The following STK32C variants were observed in gnomAD, a reference collection of about 807,000 sequenced individuals.
STK32C encodes the protein serine/threonine kinase 32C.
In STK32C, 31 loss-of-function variants were observed where a neutral mutation model predicts 56.5. The ratio of observed to expected loss-of-function variants is 0.55; its 90% CI spans 0.41 to 0.74. The LOEUF (loss-of-function observed/expected upper bound fraction) is 0.74. Among genes scored for constraint, STK32C ranks in the 30% least tolerant of loss-of-function variants. The pLI, the probability that STK32C is intolerant of heterozygous loss-of-function variation, is 0.00. For synonymous variants in STK32C, 309 were observed against 289.4 expected (o/e 1.07, Z -0.69); for missense variants, 544 against 676.9 (o/e 0.80, Z 2.18).
At chr10:132,221,712 C>A (rs1177434185) in intron 10 of STK32C, among the ~76,000 whole-genome samples, 1 of 145,402 alleles carries the variant, frequency 6.9e-6, no homozygotes, top group East Asian at 2.1e-4. Context: ...TGCTGACGCA[C>A]CTGGGCGAGT....
At chr10:132,268,461 C>A (rs1252726020) in intron 1 of STK32C, among the ~76,000 whole-genome samples, 1 of 136,312 alleles carries the variant, frequency 7.3e-6, no homozygotes, top group African/African-American at 2.8e-5. Context: ...GCATGCATGT[C>A]CCACATCGTG....
chr10:132,245,379 T>C (rs1176481501), intron 2 of STK32C, among the ~76,000 whole-genome samples: 2 of 152,242 alleles, frequency 1.3e-5, no homozygotes, highest in African/African-American at 2.4e-5. Context: ...CTCTAGATAT[T>C]ACAAGGCGGC....
intron 1 of STK32C, among the ~76,000 whole-genome samples, chr10:132,260,732 G>T (rs901908463): frequency 6.6e-6 from 1 of 152,242 alleles, no homozygotes. Flanking sequence ...CCAGTGGCCG[G>T]GTGGGCATTG....
At chr10:132,224,366 G>T in intron 8 of STK32C, 41 bp downstream of exon 8, 1 of 1,428,674 alleles carries the variant, frequency 7.0e-7, no homozygotes, top group Non-Finnish European at 9.6e-7. Flanking sequence ...GGAGGGAGGT[G>T]GGTGCTCGGA....
intron 10 of STK32C, chr10:132,209,370 G>T: frequency 1.5e-6 from 1 of 688,044 alleles, no homozygotes; most frequent in Non-Finnish European, 2.7e-6. Flanking sequence ...GGGGCCTGCA[G>T]GACCAGGCAG....
chr10:132,272,365 G>A (rs372733937), intron 1 of STK32C, among the ~76,000 whole-genome samples: 1 of 152,208 alleles, frequency 6.6e-6, no homozygotes, highest in African/African-American at 2.4e-5. Context: ...CTGTGAGAGT[G>A]CAAGCGGCTG....
At chr10:132,261,911 A>G (rs2064318177) in intron 1 of STK32C, among the ~76,000 whole-genome samples, 1 of 152,228 alleles carries the variant, frequency 6.6e-6, no homozygotes, top group South Asian at 2.1e-4. Context: ...ATCAAACTAC[A>G]AAGTCATTTT....
intron 1 of STK32C, among the ~76,000 whole-genome samples, chr10:132,295,973 T>C (rs1435315480): frequency 1.3e-5 from 2 of 150,920 alleles, no homozygotes; most frequent in Non-Finnish European, 2.9e-5. Context: ...GGGCTGCATA[T>C]GGTGCCATCC....
chr10:132,282,216 C>T (rs567813261), intron 1 of STK32C, among the ~76,000 whole-genome samples: 3 of 152,226 alleles, frequency 2.0e-5, no homozygotes, highest in African/African-American at 7.2e-5. Context: ...GCCCGCACCA[C>T]GCCCGAGAGG....
At chr10:132,244,680 C>T (rs1025465014) in intron 2 of STK32C, among the ~76,000 whole-genome samples, 6 of 152,244 alleles carry the variant, frequency 3.9e-5, no homozygotes, top group African/African-American at 1.4e-4. Context: ...TAAGCCACCT[C>T]TCCTGAACCT....
intron 1 of STK32C, among the ~76,000 whole-genome samples, chr10:132,282,797 G>C (rs1590384439): frequency 1.3e-5 from 2 of 152,402 alleles, no homozygotes; most frequent in East Asian, 3.9e-4. Context: ...GAACCGGCCA[G>C]AAGTGACTGC....
intron 2 of STK32C, among the ~76,000 whole-genome samples, chr10:132,239,779 C>T (rs1247017308): frequency 6.6e-6 from 1 of 152,250 alleles, no homozygotes; most frequent in East Asian, 1.9e-4. Flanking sequence ...CACTAGGGGG[C>T]TGTCATGTGA....
chr10:132,319,075 A>G (rs1163118883), downstream of STK32C, among the ~76,000 whole-genome samples: 2 of 152,278 alleles, frequency 1.3e-5, no homozygotes. Context: ...CAGCCTCCCA[A>G]GTAGCTGGGA....
At chr10:132,253,885 G>A (rs1180515520) in intron 1 of STK32C, among the ~76,000 whole-genome samples, 1 of 152,218 alleles carries the variant, frequency 6.6e-6, no homozygotes, top group African/African-American at 2.4e-5. Flanking sequence ...CCTTCCTCCC[G>A]CCCTGCAGGG....
intron 2 of STK32C, among the ~76,000 whole-genome samples, chr10:132,244,404 T>C (rs2063611968): frequency 1.3e-5 from 2 of 152,210 alleles, no homozygotes; most frequent in African/African-American, 4.8e-5. Flanking sequence ...GGGCTGAGGC[T>C]GCCCACCTGT....
At chr10:132,262,002 A>G (rs1337443740) in intron 1 of STK32C, among the ~76,000 whole-genome samples, 1 of 152,202 alleles carries the variant, frequency 6.6e-6, no homozygotes, top group Non-Finnish European at 1.5e-5. Flanking sequence ...CCTAAGAAAA[A>G]AGAACAAAGC....
chr10:132,216,741 C>T (rs1203236277), intron 10 of STK32C, among the ~76,000 whole-genome samples: 1 of 152,198 alleles, frequency 6.6e-6, no homozygotes, highest in Non-Finnish European at 1.5e-5. Context: ...CTGAAAGGGG[C>T]CAAGGTACAG....
rs1486398528 is a variant in STK32C at position 132,331,827 on chromosome 10, G to A, written c.-91C>T. 10 of 1,541,002 alleles carry A rather than the reference G, an allele frequency of 6.5e-6. No homozygotes were observed. The Admixed American group carries it at 7.6e-5, about 12-fold the overall frequency. ...GCCCGTCGACCACCACCCCTTCAAG[G>A]CCGCGGGCGCGGAAAAACGGATGCT... On this transcript the variant is annotated 5_prime_UTR_variant, in exon 1 of 2. Transcript: ENST00000368619.
chr10:132,328,686 T>C (rs1401055879), intron 1 of STK32C, among the ~76,000 whole-genome samples: 1 of 152,242 alleles, frequency 6.6e-6, no homozygotes, highest in Admixed American at 6.5e-5. Flanking sequence ...AGAAGCAAGA[T>C]GGAATCGGTT....
Sources: gnomAD v4.1 joint callset for allele counts (sites outside exome capture counted in the v4.1 genomes callset) on GRCh38, gnomAD v4.1.1 for gene constraint, MANE v1.5 for transcripts, NCBI Gene and HGNC (gene_info 2026-07-23, HGNC 2026-07-21) for gene names.